Variants in DPP8 observed in about 807,000 individuals in gnomAD.
DPP8 encodes DPP VIII.
A neutral mutation model predicts 107.5 loss-of-function variants in DPP8; 31 were observed. The ratio of observed to expected loss-of-function variants is 0.29; its 90% confidence interval spans 0.22 to 0.39. The LOEUF is 0.39. DPP8 is among the 10% of genes least tolerant of loss of function. The probability of loss-of-function intolerance (pLI) is 1.00; values close to 1 mark genes in which losing one functional copy is unlikely to be tolerated. For synonymous variants in DPP8, 381 were observed against 356.6 expected (o/e 1.07, Z -0.77); for missense variants, 842 against 1,076.1 (o/e 0.78, Z 3.04).
intron 5 of DPP8, among the ~76,000 whole-genome samples, chr15:65,493,680 C>T (rs568955210): frequency 2.6e-5 from 4 of 152,158 alleles, no homozygotes; most frequent in Non-Finnish European, 5.9e-5. Context: ...CCATTTGTAT[C>T]TTCCTACTGT....
Position 65,500,715 on chromosome 15 carries a change from C to A in DPP8, c.437G>T (p.Gly146Val). 6.2e-7 allele frequency: 1 copy of A among 1,613,880 alleles called. No individual in the cohort carries two copies. Among genetic ancestry groups the A allele is most frequent in the Non-Finnish European group, 8.5e-7 (1 of 1,179,834 alleles). Residue 146 changes from glycine (G) to valine (V), a missense_variant, in exon 4 of 20, where the codon GGA becomes GTA. By Grantham distance (109) the Gly-to-Val change is moderately radical. This residue lies in a region of DPP8 where 663 missense variants were observed against 758.0 expected (regional missense o/e 0.87). Transcript: ENST00000300141. ...ATCGTAAGAAGCAATTCCGACTGTT[C>A]CAATGCGTTTTCTTTCTCTTAATAG... Reference protein sequence around the residue: ...EELLRERKRIGTVGIASYDYH... With the variant: ...EELLRERKRIVTVGIASYDYH...
intron 6 of DPP8, among the ~76,000 whole-genome samples, chr15:65,488,817 A>T (rs1423350596): frequency 2.0e-5 from 3 of 152,144 alleles, no homozygotes; most frequent in African/African-American, 7.2e-5. Context: ...TTCTTCTCAG[A>T]GAGTGAGATA....
At chr15:65,506,343 A>G (rs929759814) in intron 3 of DPP8, among the ~76,000 whole-genome samples, 6 of 152,182 alleles carry the variant, frequency 3.9e-5, no homozygotes, top group African/African-American at 1.4e-4. Flanking sequence ...AAAAAATGAT[A>G]ATAATAAATA....
chr15:65,476,341 C>A (rs1365701759), intron 11 of DPP8, among the ~76,000 whole-genome samples: 2 of 151,750 alleles, frequency 1.3e-5, no homozygotes, highest in African/African-American at 4.8e-5. Context: ...TTTTTTAAAA[C>A]ATAAAATTAT....
intron 8 of DPP8, among the ~76,000 whole-genome samples, chr15:65,484,125 G>C (rs890099682): frequency 7.2e-5 from 11 of 152,064 alleles, no homozygotes; most frequent in African/African-American, 2.7e-4. Context: ...TCAGGAGCTT[G>C]AGACCAGTCT....
chr15:65,504,392 C>G (rs1285037337), intron 3 of DPP8, among the ~76,000 whole-genome samples: 2 of 149,090 alleles, frequency 1.3e-5, no homozygotes, highest in East Asian at 4.0e-4. Flanking sequence ...TGTGGTAGGG[C>G]CGGGTGCAGC....
chr15:65,451,382 A>C (rs1361347592), intron 18 of DPP8, among the ~76,000 whole-genome samples: 4 of 152,202 alleles, frequency 2.6e-5, no homozygotes, highest in Non-Finnish European at 5.9e-5. Context: ...CTATTTGTAA[A>C]ATATATTCAG....
intron 3 of DPP8, among the ~76,000 whole-genome samples, chr15:65,501,903 CTTT>C (rs1325145331): frequency 1.3e-5 from 2 of 152,156 alleles, no homozygotes; most frequent in Non-Finnish European, 2.9e-5. Flanking sequence ...TTCTTTCTTT[CTTT>C]GAGACAAAAC....
At chr15:65,517,223 A>AGCGCCCAGAGCTCAAGGG (rs1189726824) in intron 1 of DPP8, 1 of 152,284 alleles carries the variant, frequency 6.6e-6, no homozygotes, top group African/African-American at 2.4e-5. Context: ...CCAGGAGGCC[A>AGCGCCCAGAGCTCAAGGG]GCGCCCAGAG....
At chr15:65,465,643 C>A in intron 14 of DPP8, among the ~76,000 whole-genome samples, 1 of 147,648 alleles carries the variant, frequency 6.8e-6, no homozygotes, top group African/African-American at 2.5e-5. Context: ...GCAACCTCCG[C>A]CTCCTGGGTT....
At chr15:65,456,992 T>C (rs969794548) in intron 15 of DPP8, among the ~76,000 whole-genome samples, 5 of 152,164 alleles carry the variant, frequency 3.3e-5, no homozygotes, top group African/African-American at 1.2e-4. Context: ...TTCTCAATGT[T>C]TGTAACCTCA....
chr15:65,456,673 C>G (rs964597261), intron 15 of DPP8, among the ~76,000 whole-genome samples: 1 of 152,122 alleles, frequency 6.6e-6, no homozygotes, highest in African/African-American at 2.4e-5. Flanking sequence ...TACTTCTACC[C>G]TGAAGAACTG....
chr15:65,490,210 A>T lies in DPP8; in HGVS notation c.805T>A (p.Trp269Arg). The change falls in exon 6 of 20, where the codon TGG (tryptophan) becomes AGG (arginine). Residue 269 changes from tryptophan (W) to arginine (R), a missense_variant. Physicochemically the swap from Trp to Arg is moderately radical, Grantham distance 101. Coordinates refer to ENST00000300141, the MANE Select transcript of DPP8 (RefSeq NM_130434.5). Reference sequence around the variant, plus strand: ...TTACTTGTTTCAGCTTTTGGACACCACCAATAGCCAGAATATCTATCAAAT... The same window carrying T: ...TTACTTGTTTCAGCTTTTGGACACCTCCAATAGCCAGAATATCTATCAAAT... ...EEFDRYSGYW[W>R]CPKAETTPSG... is the part of the protein sequence containing the mutation. 1 of 1,604,696 alleles carries T rather than the reference A, an allele frequency of 6.2e-7. No individual in the cohort carries two copies. The highest frequency in any genetic ancestry group is 8.5e-7 in the Non-Finnish European group (1 of 1,171,422).
chr15:65,451,489 G>T (rs2063972103), intron 18 of DPP8, among the ~76,000 whole-genome samples: 1 of 152,110 alleles, frequency 6.6e-6, no homozygotes. Flanking sequence ...AACATTATAT[G>T]AATTGGCCTG....
intron 2 of DPP8, among the ~76,000 whole-genome samples, chr15:65,510,820 T>G (rs539058416): frequency 1.6e-4 from 24 of 152,308 alleles, no homozygotes; most frequent in Non-Finnish European, 5.9e-5. Context: ...AATACAGGTG[T>G]GTGCCACTGC....
Position 65,485,142 on chromosome 15 carries a change from ACT to A in DPP8, c.972_973del (p.Lys324AsnfsTer4). On this transcript the variant is annotated frameshift_variant, in exon 8 of 20. Transcript: ENST00000300141. LOFTEE classifies it high-confidence loss of function. ...CATTATTTCTGACATCTTAAAAGTG[ACT>A]TTAGGATTTGCTGTACCTTTAGAAA... 6.2e-7 allele frequency: 1 copy of A among 1,608,340 alleles called. No individual in the cohort carries two copies. Among genetic ancestry groups the A allele is most frequent in the Non-Finnish European group, 8.5e-7 (1 of 1,174,746 alleles).
At chr15:65,481,714 T>G in intron 8 of DPP8, 99 bp from the exon 9 acceptor site, 2 of 702,318 alleles carry the variant, frequency 2.8e-6, no homozygotes, top group South Asian at 4.5e-5. Context: ...AGCAGAAAAT[T>G]TTTCCAGAGT....
chr15:65,499,920 TA>T lies in DPP8; in HGVS notation c.546+685del, dbSNP rs566127882. Among the ~76,000 whole-genome samples, 188 of 152,202 alleles carry T rather than the reference TA, an allele frequency of 1.2e-3. 2 individuals are homozygous for T. The highest frequency in any genetic ancestry group is 2.6e-3 in the Admixed American group (39 of 15,274). On this transcript the variant is annotated intron_variant, in intron 4 of 19. Coordinates refer to ENST00000300141, the MANE Select transcript of DPP8 (RefSeq NM_130434.5). Reference sequence around the variant, plus strand: ...GATTATTAACTCTTTTGTTTTGAGATAAGGTTTTGGTCTGTCATCTAGGCTG... The same window carrying T: ...GATTATTAACTCTTTTGTTTTGAGATAGGTTTTGGTCTGTCATCTAGGCTG...
chr15:65,478,014 T>C (rs922982882), intron 11 of DPP8, among the ~76,000 whole-genome samples: 9 of 152,198 alleles, frequency 5.9e-5, no homozygotes, highest in African/African-American at 1.9e-4. Context: ...CCATTTACTT[T>C]TCCTAGGCTT....
Sources: gnomAD v4.1 joint callset for allele counts (sites outside exome capture counted in the v4.1 genomes callset) on GRCh38, gnomAD v4.1.1 for gene constraint, gnomAD v4.1.1 regional missense constraint, MANE v1.5 for transcripts, NCBI Gene and HGNC (gene_info 2026-07-23, HGNC 2026-07-21) for gene names.